PDGFC: variants seen among roughly 807,000 people sequenced by gnomAD.
The protein encoded by PDGFC is platelet derived growth factor C, also known as platelet-derived growth factor C.
A neutral mutation model predicts 35.5 loss-of-function variants in PDGFC; 12 were observed. The observed-to-expected ratio is 0.34, with a 90% CI of 0.22 to 0.55. The LOEUF is 0.55. Ranked by LOEUF, PDGFC falls within the 20% of genes least tolerant of loss-of-function variation. The pLI is 0.91. For synonymous variants in PDGFC, 159 were observed against 148.8 expected, an observed-to-expected ratio of 1.07 and a Z score of -0.50; for missense variants, 322 against 412.4, an observed-to-expected ratio of 0.78 and a Z score of 1.90.
At chr4:156,833,440 T>C (rs952845485) in intron 2 of PDGFC, among the ~76,000 whole-genome samples, 8 of 152,200 alleles carry the variant, frequency 5.3e-5, no homozygotes, top group African/African-American at 1.7e-4. Flanking sequence ...CTTAAAATAT[T>C]TGAGGAACAT....
intron 3 of PDGFC, among the ~76,000 whole-genome samples, chr4:156,790,207 C>G (rs1310163262): frequency 6.6e-6 from 1 of 151,932 alleles, no homozygotes; most frequent in South Asian, 2.1e-4. Context: ...TTTTGCAGCT[C>G]AAATAAAATA....
chr4:156,894,582 C>T (rs976247261), intron 1 of PDGFC, among the ~76,000 whole-genome samples: 1 of 152,064 alleles, frequency 6.6e-6, no homozygotes, highest in African/African-American at 2.4e-5. Flanking sequence ...ATTTCAAACT[C>T]AAAAATTATG....
At chr4:156,966,536 C>G (rs1037383456) in intron 1 of PDGFC, among the ~76,000 whole-genome samples, 1 of 151,386 alleles carries the variant, frequency 6.6e-6, no homozygotes, top group African/African-American at 2.4e-5. Context: ...TTTGTTTCCA[C>G]AAAGGGTGCA....
intron 2 of PDGFC, among the ~76,000 whole-genome samples, chr4:156,824,393 T>A (rs10049800): frequency 7.6e-6 from 1 of 132,132 alleles, no homozygotes; most frequent in Non-Finnish European, 1.5e-5. Context: ...TACACACACA[T>A]ATATATACAC....
chr4:156,772,378 A>C (rs1304892004), intron 4 of PDGFC, among the ~76,000 whole-genome samples: 2 of 152,138 alleles, frequency 1.3e-5, no homozygotes, highest in African/African-American at 4.8e-5. Flanking sequence ...ATTAGGTTTG[A>C]GTAAGCAGTG....
chr4:156,796,287 TATAA>T (rs1560815628), intron 3 of PDGFC, among the ~76,000 whole-genome samples: 1 of 152,092 alleles, frequency 6.6e-6, no homozygotes, highest in South Asian at 2.1e-4. Context: ...TTTTTTAACT[TATAA>T]ATGATATCTT....
intron 1 of PDGFC, among the ~76,000 whole-genome samples, chr4:156,868,277 C>T (rs974673486): frequency 6.6e-6 from 1 of 152,168 alleles, no homozygotes. Flanking sequence ...CATTTTGAAA[C>T]TTCAAATGAA....
At chr4:156,935,190 G>T (rs1472706227) in intron 1 of PDGFC, among the ~76,000 whole-genome samples, 1 of 151,976 alleles carries the variant, frequency 6.6e-6, no homozygotes, top group Non-Finnish European at 1.5e-5. Flanking sequence ...TACAGACGGG[G>T]TTTCACCATG....
chr4:156,798,178 C>A (rs1036483465), intron 3 of PDGFC, among the ~76,000 whole-genome samples: 3 of 152,072 alleles, frequency 2.0e-5, no homozygotes, highest in African/African-American at 2.4e-5. Flanking sequence ...GGCGACAGAG[C>A]GAGACTCCGT....
intron 1 of PDGFC, among the ~76,000 whole-genome samples, chr4:156,898,757 C>A (rs1053557989): frequency 5.3e-5 from 8 of 152,206 alleles, no homozygotes; most frequent in African/African-American, 1.9e-4. Flanking sequence ...TTCTCTTGGG[C>A]CAAAGAAATC....
At chr4:156,928,856 T>C (rs1209033381) in intron 1 of PDGFC, among the ~76,000 whole-genome samples, 1 of 152,220 alleles carries the variant, frequency 6.6e-6, no homozygotes. Flanking sequence ...ATAAAGTTTA[T>C]AGTTACTGAA....
intron 3 of PDGFC, among the ~76,000 whole-genome samples, chr4:156,793,323 C>T (rs77353370): frequency 6.6e-6 from 1 of 151,252 alleles, no homozygotes; most frequent in East Asian, 2.0e-4. Flanking sequence ...CAATCTTTTC[C>T]CAGAAAGGGA....
chr4:156,808,107 C>A (rs908444161), intron 3 of PDGFC, among the ~76,000 whole-genome samples: 14 of 151,876 alleles, frequency 9.2e-5, no homozygotes, highest in African/African-American at 2.2e-4. Context: ...GAGTCTACTG[C>A]GTTCCGGTTT....
rs1168454156 is a variant in PDGFC, at chr4:156,762,259, A to G, written c.*831T>C. The G allele has an allele frequency of 6.6e-6, 1 of 152,660 alleles. No homozygotes were observed. Among genetic ancestry groups the G allele is most frequent in the East Asian group, 1.9e-4 (1 of 5,198 alleles). The allele number at this position is 152,660 out of a possible 1,614,324, so 9.5% of individuals were successfully genotyped here. A position where few individuals can be genotyped will look rare whatever the true frequency, so the allele number is the denominator to read the frequency against. On this transcript the variant is annotated 3_prime_UTR_variant, in exon 6 of 6. Coordinates refer to ENST00000502773, the MANE Select transcript of PDGFC (RefSeq NM_016205.3). ...TTTAGAAAAATTTACCAAGCTAAAA[A>G]TAGTTGATCTAAGTTGTCATAAAAA...
intron 2 of PDGFC, among the ~76,000 whole-genome samples, chr4:156,835,730 C>T (rs1183000105): frequency 6.6e-6 from 1 of 152,200 alleles, no homozygotes; most frequent in Non-Finnish European, 1.5e-5. Flanking sequence ...AGTGATAGAA[C>T]TGAACTGGAA....
intron 1 of PDGFC, among the ~76,000 whole-genome samples, chr4:156,928,621 T>C (rs1006060891): frequency 1.5e-4 from 23 of 152,168 alleles, no homozygotes; most frequent in African/African-American, 5.5e-4. Context: ...AAAGAGATAT[T>C]GCACCCCAAT....
chr4:156,802,455 T>C (rs1731639423), intron 3 of PDGFC, among the ~76,000 whole-genome samples: 1 of 151,914 alleles, frequency 6.6e-6, no homozygotes, highest in Non-Finnish European at 1.5e-5. Flanking sequence ...ATACCCCAAA[T>C]CTGCTTTCCT....
chr4:156,833,271 A>G (rs1302775086), intron 2 of PDGFC, among the ~76,000 whole-genome samples: 1 of 152,234 alleles, frequency 6.6e-6, no homozygotes, highest in East Asian at 1.9e-4. Context: ...TCGCTGAGGC[A>G]GAGACTATGT....
intron 1 of PDGFC, among the ~76,000 whole-genome samples, chr4:156,958,323 A>T (rs1006390529): frequency 7.1e-6 from 1 of 140,560 alleles, no homozygotes; most frequent in Non-Finnish European, 1.6e-5. Context: ...TTACTCATTT[A>T]AAAAAAAAAA....
Sources: allele counts gnomAD v4.1 joint callset (sites outside exome capture counted in the v4.1 genomes callset), GRCh38; gene constraint gnomAD v4.1.1; transcripts MANE v1.5; gene names NCBI Gene and HGNC (gene_info 2026-07-23, HGNC 2026-07-21).